PLCB1: variants seen among roughly 807,000 people sequenced by gnomAD.
PLCB1 encodes the protein 1-phosphatidylinositol 4,5-bisphosphate phosphodiesterase beta-1.
PLCB1 carries 46 observed loss-of-function variants against 161.8 expected under a neutral mutation model. The observed-to-expected ratio is 0.28, with a 90% CI of 0.22 to 0.36. The LOEUF is 0.36. PLCB1 is among the 10% of genes least tolerant of loss of function. The pLI, the probability that PLCB1 is intolerant of heterozygous loss-of-function variation, is 1.00. For synonymous variants in PLCB1, 517 were observed against 503.7 expected (o/e 1.03, Z -0.35); for missense variants, 1,016 against 1,472.5 (o/e 0.69, Z 5.07).
intron 31 of PLCB1, among the ~76,000 whole-genome samples, chr20:8,859,533 C>G (rs966241432): frequency 1.3e-5 from 2 of 152,114 alleles, no homozygotes; most frequent in Non-Finnish European, 2.9e-5. Flanking sequence ...ATAACTTTTC[C>G]TTCTAGAGAT....
intron 3 of PLCB1, among the ~76,000 whole-genome samples, chr20:8,453,358 T>G (rs1235421031): frequency 2.6e-5 from 4 of 152,218 alleles, no homozygotes; most frequent in African/African-American, 9.6e-5. Context: ...GTAAATAGAC[T>G]TGGATTTAAA....
intron 2 of PLCB1, among the ~76,000 whole-genome samples, chr20:8,310,065 T>A (rs114515913): frequency 0.016 from 2,445 of 152,222 alleles, 74 homozygotes; most frequent in African/African-American, 0.054. Context: ...TTTCAAACAT[T>A]TCAGTGATTA....
chr20:8,554,504 C>A (rs1045493695), intron 3 of PLCB1, among the ~76,000 whole-genome samples: 8 of 152,036 alleles, frequency 5.3e-5, no homozygotes, highest in African/African-American at 2.4e-5. Context: ...GCTGAAGAGA[C>A]ACAAAATGGA....
At chr20:8,312,006 A>C (rs895090400) in intron 2 of PLCB1, among the ~76,000 whole-genome samples, 1 of 152,156 alleles carries the variant, frequency 6.6e-6, no homozygotes, top group South Asian at 2.1e-4. Context: ...CTCAACCTCT[A>C]AGTCCATGCT....
chr20:8,287,709 A>G (rs1983189100), intron 2 of PLCB1, among the ~76,000 whole-genome samples: 1 of 152,216 alleles, frequency 6.6e-6, no homozygotes. Context: ...CGTCACCTAC[A>G]CAAACTAGTA....
chr20:8,779,641 G>C (rs1983118227), intron 27 of PLCB1, among the ~76,000 whole-genome samples: 1 of 151,874 alleles, frequency 6.6e-6, no homozygotes, highest in South Asian at 2.1e-4. Context: ...GACATGCAGA[G>C]TCTCAGGCCC....
At chr20:8,660,006 A>G (rs961346296) in intron 9 of PLCB1, among the ~76,000 whole-genome samples, 129 of 151,534 alleles carry the variant, frequency 8.5e-4, no homozygotes, top group African/African-American at 2.9e-3. Context: ...AAAAAAAAAA[A>G]AAGAAGAAGA....
In PLCB1 at chr20:8,523,677, T is replaced by C. The variant is rs374334540; in HGVS notation, c.247-104617T>C. 2.6e-5 allele frequency among the ~76,000 whole-genome samples: 4 copies of C among 151,076 alleles called. No individual in the cohort carries two copies. The East Asian group carries it at 5.8e-4, about 22-fold the overall frequency. ...ATATGGTGTTAGTAGCAGACATCAGTTGGGTTACTGAACAACACTTTTAAA... is the reference window on the plus strand; with the variant it reads ...ATATGGTGTTAGTAGCAGACATCAGCTGGGTTACTGAACAACACTTTTAAA... On this transcript the variant is annotated intron_variant, in intron 3 of 31. Transcript: ENST00000338037.
chr20:8,611,732 C>A (rs915914034), intron 3 of PLCB1, among the ~76,000 whole-genome samples: 3 of 152,088 alleles, frequency 2.0e-5, no homozygotes, highest in Non-Finnish European at 4.4e-5. Context: ...CTTAGTATTT[C>A]CAGTGGTAGT....
intron 23 of PLCB1, chr20:8,751,101 A>ATTT: frequency 6.5e-6 from 1 of 153,198 alleles, no homozygotes; most frequent in Non-Finnish European, 1.4e-5. Flanking sequence ...AAGCCCGGCT[A>ATTT]ATTTTTTTTT....
intron 3 of PLCB1, among the ~76,000 whole-genome samples, chr20:8,419,023 A>G (rs1333054353): frequency 6.6e-6 from 1 of 152,218 alleles, no homozygotes; most frequent in Admixed American, 6.5e-5. Context: ...TGTAATTTTC[A>G]CATCATTATT....
At chr20:8,360,882 A>AT (rs1986516775) in intron 2 of PLCB1, among the ~76,000 whole-genome samples, 1 of 152,230 alleles carries the variant, frequency 6.6e-6, no homozygotes, top group East Asian at 1.9e-4. Context: ...CTTTGGCAGA[A>AT]AAAAAATTGT....
intron 31 of PLCB1, among the ~76,000 whole-genome samples, chr20:8,833,277 C>A (rs1188933581): frequency 6.6e-6 from 1 of 152,168 alleles, no homozygotes; most frequent in Non-Finnish European, 1.5e-5. Context: ...AGAGCAAAGG[C>A]ATGTCTTACA....
At position 8,486,227 on chromosome 20, in the gene PLCB1, A is replaced by G. The variant is rs1346285460; in HGVS notation, c.246+114777A>G. ...ATGAGATTTGGGTGGGGACATAGCCAAACCATATCAGAGGGATACACTGAG... is the reference window on the plus strand; with the variant it reads ...ATGAGATTTGGGTGGGGACATAGCCGAACCATATCAGAGGGATACACTGAG... On this transcript the variant is annotated intron_variant, in intron 3 of 31. Coordinates refer to ENST00000338037, the MANE Select transcript of PLCB1 (RefSeq NM_015192.4). Among the ~76,000 whole-genome samples the G allele has an allele frequency of 2.6e-5, 4 of 152,196 alleles. No homozygotes were observed. In the East Asian group the frequency reaches 7.7e-4, roughly 29 times the overall value.
chr20:8,262,506 G>T (rs536164574), intron 2 of PLCB1, among the ~76,000 whole-genome samples: 7 of 152,214 alleles, frequency 4.6e-5, no homozygotes, highest in Non-Finnish European at 8.8e-5. Flanking sequence ...AAGAGAAACA[G>T]GGAGACATAG....
At chr20:8,508,179 G>A (rs1003639131) in intron 3 of PLCB1, among the ~76,000 whole-genome samples, 7 of 152,110 alleles carry the variant, frequency 4.6e-5, no homozygotes, top group East Asian at 1.9e-4. Context: ...AGGAGCAGTC[G>A]CCTGTCATGC....
rs75814368 is a variant in PLCB1 at position 8,824,035 on chromosome 20, A to G, written c.3423+33774A>G. On this transcript the variant is annotated intron_variant, in intron 31 of 31. Transcript: ENST00000338037. ...TCCCGCCTTGGGGAATCAGTTTAAC[A>G]TCTTATCTCCTTGCTTGTTGGAATT... Among the ~76,000 whole-genome samples, 1,374 of 152,092 alleles carry G rather than the reference A, an allele frequency of 9.0e-3. 16 individuals carry two copies. The highest frequency in any genetic ancestry group is 0.031 in the African/African-American group (1,305 of 41,492).
At chr20:8,738,394 G>A (rs544652515) in intron 20 of PLCB1, among the ~76,000 whole-genome samples, 1 of 152,174 alleles carries the variant, frequency 6.6e-6, no homozygotes, top group Non-Finnish European at 1.5e-5. Context: ...GGTGTGAGAT[G>A]GTATCTCATT....
intron 2 of PLCB1, among the ~76,000 whole-genome samples, chr20:8,334,897 A>G (rs1303620888): frequency 6.6e-6 from 1 of 152,200 alleles, no homozygotes; most frequent in African/African-American, 2.4e-5. Flanking sequence ...ATTGCAGAAC[A>G]TTCTCAGGTG....
Sources: allele counts gnomAD v4.1 joint callset (sites outside exome capture counted in the v4.1 genomes callset), GRCh38; gene constraint gnomAD v4.1.1; transcripts MANE v1.5; gene names NCBI Gene and HGNC (gene_info 2026-07-23, HGNC 2026-07-21).